Variants in CNOT4 observed in about 807,000 individuals in gnomAD.
CNOT4 encodes the protein CCR4-NOT transcription complex subunit 4, also known as CCR4-associated factor 4.
In CNOT4, 8 loss-of-function variants were observed where a neutral mutation model predicts 73.8. That is an observed-to-expected ratio of 0.11 (90% CI 0.06 to 0.20). The LOEUF is 0.20. Among genes scored for constraint, CNOT4 ranks in the 10% least tolerant of loss-of-function variants. The pLI is 1.00. For missense variants in CNOT4, 564 were observed against 883.4 expected, an observed-to-expected ratio of 0.64 and a Z score of 4.58; for synonymous variants, 293 against 321.1, an observed-to-expected ratio of 0.91 and a Z score of 0.94.
At chr7:135,498,556 T>C (rs1228989940) in intron 1 of CNOT4, among the ~76,000 whole-genome samples, 1 of 152,204 alleles carries the variant, frequency 6.6e-6, no homozygotes, top group Admixed American at 6.5e-5. Context: ...TATGTTTGTT[T>C]GTTTGTTTTT....
In CNOT4 at chr7:135,362,578, A is replaced by G. The variant is rs113392686; in HGVS notation, c.*307T>C. 1.2e-5 allele frequency: 6 copies of G among 488,930 alleles called. 1 individual carries two copies. Among genetic ancestry groups the G allele is most frequent in the African/African-American group, 7.8e-5 (4 of 51,494 alleles). 30.3% of individuals were successfully genotyped at this position (488,930 alleles called of 1,614,324 possible). A position where few individuals can be genotyped will look rare whatever the true frequency, so the allele number is the denominator to read the frequency against. On this transcript the variant is annotated 3_prime_UTR_variant, in exon 12 of 12. Coordinates refer to ENST00000541284, the MANE Select transcript of CNOT4 (RefSeq NM_001190850.2). ...AGATTATGTCATTATTATGCGCAACAGACAAACAATAATTTTCTAAGTATT... is the reference window on the plus strand; with the variant it reads ...AGATTATGTCATTATTATGCGCAACGGACAAACAATAATTTTCTAAGTATT...
chr7:135,377,808 T>C (rs1046324252), intron 10 of CNOT4, among the ~76,000 whole-genome samples: 7 of 152,182 alleles, frequency 4.6e-5, no homozygotes, highest in African/African-American at 1.4e-4. Flanking sequence ...CCAGAGACAA[T>C]CTTGACAGAA....
intron 7 of CNOT4, among the ~76,000 whole-genome samples, chr7:135,407,320 T>C (rs1346621289): frequency 6.6e-6 from 1 of 152,234 alleles, no homozygotes; most frequent in African/African-American, 2.4e-5. Context: ...AGCTAACTAC[T>C]TGTTATAAAT....
chr7:135,408,799 G>T (rs1168677748), intron 7 of CNOT4, among the ~76,000 whole-genome samples: 3 of 152,164 alleles, frequency 2.0e-5, no homozygotes, highest in Non-Finnish European at 4.4e-5. Context: ...CCCCAACTGG[G>T]AATCGATTTT....
At chr7:135,372,394 A>G (rs12531813) in intron 10 of CNOT4, among the ~76,000 whole-genome samples, 34,173 of 152,036 alleles carry the variant, frequency 0.22, 4,342 homozygotes, top group East Asian at 0.52. Context: ...AGTGTATTGC[A>G]ATCATTTGTT....
intron 10 of CNOT4, among the ~76,000 whole-genome samples, chr7:135,379,347 T>C (rs1307923702): frequency 6.6e-6 from 1 of 152,184 alleles, no homozygotes; most frequent in Non-Finnish European, 1.5e-5. Flanking sequence ...GGTGAGGTCT[T>C]AGGAGTTTAC....
intron 3 of CNOT4, among the ~76,000 whole-genome samples, chr7:135,421,327 ATTACT>A (rs1798182092): frequency 6.6e-6 from 1 of 152,116 alleles, no homozygotes. Flanking sequence ...CATGCCAAGT[ATTACT>A]TTAAATTCTT....
At chr7:135,370,331 C>G (rs796779094) in intron 10 of CNOT4, among the ~76,000 whole-genome samples, 1 of 152,300 alleles carries the variant, frequency 6.6e-6, no homozygotes, top group African/African-American at 2.4e-5. Flanking sequence ...GTAGAAATGA[C>G]ATAAACAGAA....
intron 9 of CNOT4, among the ~76,000 whole-genome samples, chr7:135,394,669 T>C (rs1281309321): frequency 6.6e-6 from 1 of 152,134 alleles, no homozygotes; most frequent in African/African-American, 2.4e-5. Context: ...AGGAAAAAAA[T>C]GTACTTGACA....
chr7:135,392,736 C>T (rs911431646), intron 10 of CNOT4, among the ~76,000 whole-genome samples: 2 of 152,062 alleles, frequency 1.3e-5, no homozygotes, highest in Admixed American at 6.5e-5. Flanking sequence ...ACTGTATCAA[C>T]GGTAAATTTC....
chr7:135,369,693 G>T (rs1430626706), intron 10 of CNOT4, among the ~76,000 whole-genome samples: 1 of 152,112 alleles, frequency 6.6e-6, no homozygotes, highest in Non-Finnish European at 1.5e-5. Flanking sequence ...AAACCTTTGT[G>T]CATTTTTAGA....
chr7:135,402,234 C>T (rs938134592), intron 7 of CNOT4, among the ~76,000 whole-genome samples: 4 of 151,896 alleles, frequency 2.6e-5, no homozygotes, highest in East Asian at 1.9e-4. Context: ...CTCAGCCTCC[C>T]GAATAGCTGA....
intron 2 of CNOT4, among the ~76,000 whole-genome samples, chr7:135,430,116 T>C (rs866055932): frequency 6.6e-6 from 1 of 152,168 alleles, no homozygotes; most frequent in Admixed American, 6.5e-5. Context: ...AGAATACCAA[T>C]GACACGCAAA....
At chr7:135,499,767 G>A (rs937609748) in intron 1 of CNOT4, among the ~76,000 whole-genome samples, 5 of 152,006 alleles carry the variant, frequency 3.3e-5, no homozygotes, top group Non-Finnish European at 7.4e-5. Context: ...CACATACACT[G>A]GTGACAGCAA....
intron 10 of CNOT4, among the ~76,000 whole-genome samples, chr7:135,375,452 G>A (rs886841224): frequency 2.6e-5 from 4 of 152,036 alleles, no homozygotes; most frequent in Admixed American, 6.6e-5. Context: ...AGCAAAGTAC[G>A]AAGCTCCTAA....
chr7:135,486,750 G>C (rs1009179625), intron 1 of CNOT4, among the ~76,000 whole-genome samples: 1 of 152,112 alleles, frequency 6.6e-6, no homozygotes, highest in African/African-American at 2.4e-5. Context: ...ACACAACACA[G>C]ATGAACTCAG....
At chr7:135,489,860 T>C (rs1481022770) in intron 1 of CNOT4, among the ~76,000 whole-genome samples, 5 of 152,168 alleles carry the variant, frequency 3.3e-5, no homozygotes, top group Non-Finnish European at 5.9e-5. Flanking sequence ...AGTTAACATA[T>C]ATACAATGCC....
chr7:135,376,885 T>C (rs1008219800), intron 10 of CNOT4, among the ~76,000 whole-genome samples: 3 of 152,218 alleles, frequency 2.0e-5, no homozygotes, highest in Non-Finnish European at 4.4e-5. Flanking sequence ...GCTTCATTTT[T>C]AGAAAGTATT....
chr7:135,474,276 ATTTTTTTTTTTTT>A (rs869203152), intron 1 of CNOT4, among the ~76,000 whole-genome samples: 1 of 87,974 alleles, frequency 1.1e-5, no homozygotes, highest in Non-Finnish European at 2.2e-5. Context: ...CTGTGCCCAA[ATTTTTTTTTTTTT>A]TTTTTTTTTT....
Sources: allele counts gnomAD v4.1 joint callset (sites outside exome capture counted in the v4.1 genomes callset), GRCh38; gene constraint gnomAD v4.1.1; transcripts MANE v1.5; gene names NCBI Gene and HGNC (gene_info 2026-07-23, HGNC 2026-07-21).